IPMK: variants seen among roughly 807,000 people sequenced by gnomAD.
IPMK encodes the protein inositol 1,3,4,6-tetrakisphosphate 5-kinase.
A neutral mutation model predicts 45.8 loss-of-function variants in IPMK; 17 were observed. The ratio of observed to expected loss-of-function variants is 0.37; its 90% confidence interval spans 0.25 to 0.56. The LOEUF is 0.56. Among genes scored for constraint, IPMK ranks in the 20% least tolerant of loss-of-function variants. The pLI is 0.79. For synonymous variants in IPMK, 180 were observed against 184.3 expected (o/e 0.98, Z 0.19); for missense variants, 399 against 498.0 (o/e 0.80, Z 1.89).
Position 58,194,191 on chromosome 10 carries a change from C to G in IPMK, c.*1885G>C, listed in dbSNP as rs1280721923. 1.3e-5 allele frequency: 2 copies of G among 151,502 alleles called. No individual in the cohort carries two copies. The highest frequency in any genetic ancestry group is 3.0e-5 in the Non-Finnish European group (2 of 67,686). The allele number at this position is 151,502 out of a possible 1,614,324, so 9.4% of individuals were successfully genotyped here. A position where few individuals can be genotyped will look rare whatever the true frequency, so the allele number is the denominator to read the frequency against. ...GTACATAGGTTGATATCATCCCATA[C>G]AAAAAAAGCCTCAGTATCTTGTTAA... is the stretch of plus-strand genomic sequence containing the variant. On this transcript the variant is annotated 3_prime_UTR_variant, in exon 6 of 6. Transcript: ENST00000373935.
At chr10:58,251,772 T>C (rs1838884089) in intron 1 of IPMK, among the ~76,000 whole-genome samples, 1 of 152,226 alleles carries the variant, frequency 6.6e-6, no homozygotes, top group Non-Finnish European at 1.5e-5. Flanking sequence ...TGTTGACAGT[T>C]TATTTTATCT....
chr10:58,250,721 G>A (rs1410838272), intron 1 of IPMK, among the ~76,000 whole-genome samples: 1 of 152,112 alleles, frequency 6.6e-6, no homozygotes, highest in African/African-American at 2.4e-5. Context: ...ACTCAAATAG[G>A]AGTAGTGAAA....
chr10:58,256,924 G>A (rs189511375), intron 1 of IPMK, among the ~76,000 whole-genome samples: 87 of 152,178 alleles, frequency 5.7e-4, no homozygotes, highest in Non-Finnish European at 6.6e-4. Context: ...AATTAGCCAC[G>A]CATGTTGGCA....
chr10:58,259,006 G>A (rs1839015829), intron 1 of IPMK, among the ~76,000 whole-genome samples: 1 of 152,192 alleles, frequency 6.6e-6, no homozygotes, highest in African/African-American at 2.4e-5. Context: ...AGGAAGAAGG[G>A]AGATGTAAAT....
chr10:58,259,991 T>G (rs1311740451), intron 1 of IPMK, among the ~76,000 whole-genome samples: 1 of 152,156 alleles, frequency 6.6e-6, no homozygotes, highest in African/African-American at 2.4e-5. Context: ...AAAATATTCC[T>G]CTCAAATTAC....
At chr10:58,239,705 T>C (rs909468990) in intron 1 of IPMK, among the ~76,000 whole-genome samples, 2 of 152,170 alleles carry the variant, frequency 1.3e-5, no homozygotes, top group Admixed American at 1.3e-4. Flanking sequence ...CGGCATTCTC[T>C]AGGTGAGTGA....
chr10:58,208,105 T>C (rs1838099649), intron 4 of IPMK, among the ~76,000 whole-genome samples: 1 of 152,056 alleles, frequency 6.6e-6, no homozygotes, highest in African/African-American at 2.4e-5. Flanking sequence ...CACGCCCGGC[T>C]AATTTTTTGT....
intron 1 of IPMK, among the ~76,000 whole-genome samples, chr10:58,248,472 A>G (rs1018056222): frequency 1.1e-4 from 16 of 152,222 alleles, no homozygotes; most frequent in Admixed American, 6.5e-4. Context: ...ATTTATTTTG[A>G]TATGTGCTTA....
chr10:58,240,688 C>T (rs1051503976), intron 1 of IPMK, among the ~76,000 whole-genome samples: 1 of 148,578 alleles, frequency 6.7e-6, no homozygotes, highest in African/African-American at 2.5e-5. Flanking sequence ...AATGAGAGCA[C>T]TGACTCACCC....
intron 3 of IPMK, among the ~76,000 whole-genome samples, chr10:58,224,277 C>T (rs1838380744): frequency 6.6e-6 from 1 of 152,172 alleles, no homozygotes; most frequent in Admixed American, 6.6e-5. Context: ...TTTTTTCAAA[C>T]CTACTCGATG....
rs182505615 is a variant in IPMK, at chr10:58,239,870, C to T, written c.191-2056G>A. Among the ~76,000 whole-genome samples, 466 of 152,270 alleles carry T rather than the reference C, an allele frequency of 3.1e-3. 1 individual carries two copies. The highest frequency in any genetic ancestry group is 0.011 in the African/African-American group (447 of 41,546). On this transcript the variant is annotated intron_variant, in intron 1 of 5. Transcript: ENST00000373935. The stretch of plus-strand genomic sequence containing the variant: ...CACTGAAACTGAGACTGCAGCCTAG[C>T]ACTAGCTCAACTAAACTCAGTCCCT...
At chr10:58,216,356 C>A in intron 3 of IPMK, 39 bp from the exon 4 acceptor site, 1 of 950,230 alleles carries the variant, frequency 1.1e-6, no homozygotes, top group South Asian at 2.2e-5. Flanking sequence ...AATAGGCAAA[C>A]ATATTACTAC....
intron 4 of IPMK, among the ~76,000 whole-genome samples, chr10:58,202,702 C>T (rs1838014541): frequency 6.6e-6 from 1 of 152,054 alleles, no homozygotes; most frequent in Non-Finnish European, 1.5e-5. Context: ...TCTGCCTGGG[C>T]TCAAAGCCTG....
chr10:58,257,846 A>G (rs1289646011), intron 1 of IPMK, among the ~76,000 whole-genome samples: 1 of 152,252 alleles, frequency 6.6e-6, no homozygotes. Context: ...AAAGAGAGAC[A>G]TATCATAACA....
At chr10:58,242,811 CCT>C (rs1403804992) in intron 1 of IPMK, among the ~76,000 whole-genome samples, 5 of 152,106 alleles carry the variant, frequency 3.3e-5, no homozygotes, top group African/African-American at 9.7e-5. Context: ...ATTGTAATCC[CCT>C]GTGTTGGGGG....
At position 58,267,565 on chromosome 10, in the gene IPMK, G is replaced by A; in HGVS notation, c.47C>T (p.Pro16Leu). Residue 16 changes from proline to leucine, a missense_variant, in exon 1 of 6, where the codon CCC becomes CTC. Pro to Leu is a moderately conservative substitution (Grantham distance 98). Transcript: ENST00000373935. ...CGCCGGTGAGGTCCGCATTTCTGGG[G>A]GGCCCGGCGCCTCGACCCGGAGGGG... ...PSPLRVEAPG[P>L]PEMRTSPAIE... The A allele has an allele frequency of 1.9e-6, 3 of 1,609,720 alleles. No individual in the cohort carries two copies. The highest frequency in any genetic ancestry group is 2.5e-6 in the Non-Finnish European group (3 of 1,178,402).
Position 58,193,894 on chromosome 10 carries a change from A to AC in IPMK, c.*2181dup, listed in dbSNP as rs1254949006. The AC allele has an allele frequency of 2.0e-5, 3 of 151,852 alleles. No homozygotes were observed. Among genetic ancestry groups the AC allele is most frequent in the East Asian group, 3.8e-4 (2 of 5,196 alleles). The allele number at this position is 151,852 out of a possible 1,614,324, so 9.4% of individuals were successfully genotyped here. On this transcript the variant is annotated 3_prime_UTR_variant, in exon 6 of 6. Transcript: ENST00000373935. ...TACTTATTCTGTTATACCTAAGCCT[A>AC]CTTATAAAGCAACATAAAATGAGCA...
intron 1 of IPMK, among the ~76,000 whole-genome samples, chr10:58,247,590 G>A (rs893135405): frequency 9.4e-5 from 14 of 148,718 alleles, no homozygotes; most frequent in African/African-American, 2.8e-4. Context: ...TTACTCATAG[G>A]TGGGAACTGA....
intron 1 of IPMK, among the ~76,000 whole-genome samples, chr10:58,258,736 G>C (rs755533907): frequency 6.6e-6 from 1 of 152,068 alleles, no homozygotes; most frequent in Non-Finnish European, 1.5e-5. Flanking sequence ...AGTACTTAAA[G>C]GGAAATGGGC....
Sources: allele counts gnomAD v4.1 joint callset (sites outside exome capture counted in the v4.1 genomes callset), GRCh38; gene constraint gnomAD v4.1.1; transcripts MANE v1.5; gene names NCBI Gene and HGNC (gene_info 2026-07-23, HGNC 2026-07-21).